Variants in FBLN2 observed in about 807,000 individuals in gnomAD.
FBLN2 encodes fibulin-2.
In FBLN2, 81 loss-of-function variants were observed where a neutral mutation model predicts 123.7. The observed-to-expected ratio is 0.65, with a 90% CI of 0.55 to 0.79. The LOEUF (loss-of-function observed/expected upper bound fraction) is 0.79. Ranked by LOEUF, FBLN2 falls within the 30% of genes least tolerant of loss-of-function variation. The probability of loss-of-function intolerance (pLI) is 0.00; values close to 1 mark genes in which losing one functional copy is unlikely to be tolerated. For missense variants in FBLN2, 1,603 were observed against 1,681.3 expected (o/e 0.95, Z 0.81); for synonymous variants, 699 against 701.4 (o/e 1.00, Z 0.05).
Position 13,574,542 on chromosome 3 carries a change from A to G in FBLN2, c.1306+2881A>G, listed in dbSNP as rs1329666261. ...GAGGCAGGGATGGCCTGGCCGAGGC[A>G]GTCTGGATCCCTGGCAGGGCTCCAG... On this transcript the variant is annotated intron_variant, in intron 2 of 17. Transcript: ENST00000404922. Among the ~76,000 whole-genome samples the G allele has an allele frequency of 3.9e-5, 6 of 152,182 alleles. No individual in the cohort carries two copies. In the East Asian group the frequency reaches 1.2e-3, roughly 29 times the overall value.
At chr3:13,572,557 C>T in intron 2 of FBLN2, among the ~76,000 whole-genome samples, 1 of 152,252 alleles carries the variant, frequency 6.6e-6, no homozygotes, top group Non-Finnish European at 1.5e-5. Flanking sequence ...TCAGAGCAGG[C>T]AGCCAGGACC....
chr3:13,625,495 C>T (rs114968616), intron 9 of FBLN2, among the ~76,000 whole-genome samples: 1,536 of 152,236 alleles, frequency 0.01, 30 homozygotes, highest in African/African-American at 0.035. Context: ...ATGTCCTCAG[C>T]TGCCTCTTCA....
chr3:13,600,641 G>T (rs1444028725), intron 2 of FBLN2, among the ~76,000 whole-genome samples: 22 of 146,534 alleles, frequency 1.5e-4, no homozygotes, highest in Non-Finnish European at 2.7e-4. Context: ...TTGAGACGGA[G>T]TCTTGCTCTT....
At chr3:13,588,147 T>C (rs951000617) in intron 2 of FBLN2, among the ~76,000 whole-genome samples, 3 of 152,250 alleles carry the variant, frequency 2.0e-5, no homozygotes, top group Non-Finnish European at 4.4e-5. Context: ...ATACTCTTAC[T>C]GTGCCTTTTC....
chr3:13,550,296 G>A (rs978426878), intron 1 of FBLN2, among the ~76,000 whole-genome samples: 1 of 152,180 alleles, frequency 6.6e-6, no homozygotes, highest in African/African-American at 2.4e-5. Flanking sequence ...CTCAGGCTGG[G>A]CCTGACTCCT....
rs188422182 is a variant in FBLN2 at position 13,566,998 on chromosome 3, A to C, written c.-41-3317A>C. ...CTGGGGTTGCGCAGCAAATGTGGAAAATGCAGAGTCAGGCTTGGGCCTGAT... is the reference window on the plus strand; with the variant it reads ...CTGGGGTTGCGCAGCAAATGTGGAACATGCAGAGTCAGGCTTGGGCCTGAT... On this transcript the variant is annotated intron_variant, in intron 1 of 17. Transcript: ENST00000404922. 5.3e-5 allele frequency among the ~76,000 whole-genome samples: 8 copies of C among 152,356 alleles called. No homozygotes were observed. In the South Asian group the frequency reaches 1.0e-3, roughly 20 times the overall value.
intron 1 of FBLN2, among the ~76,000 whole-genome samples, chr3:13,551,380 G>A (rs1342942140): frequency 6.6e-6 from 1 of 152,220 alleles, no homozygotes; most frequent in Non-Finnish European, 1.5e-5. Context: ...AAGAGCTCAT[G>A]CCAGAGAGCA....
At chr3:13,590,440 C>T (rs1054858020) in intron 2 of FBLN2, among the ~76,000 whole-genome samples, 1 of 152,220 alleles carries the variant, frequency 6.6e-6, no homozygotes, top group Non-Finnish European at 1.5e-5. Context: ...ATTCTCATGC[C>T]TCAGCCTCCC....
At chr3:13,573,089 C>G (rs1216688282) in intron 2 of FBLN2, among the ~76,000 whole-genome samples, 1 of 151,934 alleles carries the variant, frequency 6.6e-6, no homozygotes, top group Admixed American at 6.5e-5. Context: ...ATTGGAAAGG[C>G]CCAGAGCTCC....
intron 17 of FBLN2, 47 bp from the exon 18 acceptor site, chr3:13,637,515 G>A: frequency 6.6e-7 from 1 of 1,510,684 alleles, no homozygotes; most frequent in Non-Finnish European, 9.0e-7. Context: ...GTCTGGGGAT[G>A]AGGGGGGTGG....
intron 1 of FBLN2, among the ~76,000 whole-genome samples, chr3:13,558,804 C>A (rs1307693739): frequency 7.3e-6 from 1 of 136,440 alleles, no homozygotes; most frequent in Non-Finnish European, 1.6e-5. Flanking sequence ...CACCCACCCA[C>A]CCACCCACCT....
intron 9 of FBLN2, among the ~76,000 whole-genome samples, chr3:13,626,118 C>T (rs1706028202): frequency 6.6e-6 from 1 of 152,196 alleles, no homozygotes; most frequent in Non-Finnish European, 1.5e-5. Flanking sequence ...CCATAGCACT[C>T]ATCACCACCT....
intron 5 of FBLN2, among the ~76,000 whole-genome samples, chr3:13,617,579 CCA>C (rs1705667612): frequency 4.8e-5 from 1 of 20,956 alleles, no homozygotes; most frequent in Non-Finnish European, 9.1e-5. Flanking sequence ...ACCCATCCAC[CCA>C]TCCATCCATC....
chr3:13,570,678 G>A lies in FBLN2; in HGVS notation c.323G>A (p.Ser108Asn), dbSNP rs2124823265. 1.3e-6 allele frequency: 2 copies of A among 1,586,374 alleles called. No individual in the cohort carries two copies. Among genetic ancestry groups the A allele is most frequent in the Non-Finnish European group, 1.7e-6 (2 of 1,167,480 alleles). ...TGCCCACCAGGCGGCGGCAAGATCA[G>A]CTGCCAGTTCATGCTGTGCCCGGAG... ...CSCPPGGGKI[S>N]CQFMLCPELP... Residue 108 changes from serine (S) to asparagine (N), a missense_variant, in exon 2 of 18, where the codon AGC (serine) becomes AAC (asparagine). Transcript: ENST00000404922.
At chr3:13,626,705 C>A (rs140994770) in intron 10 of FBLN2, 126 bp downstream of exon 10, 3 of 972,950 alleles carry the variant, frequency 3.1e-6, no homozygotes, top group Admixed American at 6.0e-5. Context: ...CTCTCCATCC[C>A]CTCCTTTCTA....
chr3:13,608,271 G>A (rs963851291), intron 3 of FBLN2, 98 bp downstream of exon 3: 4 of 810,840 alleles, frequency 4.9e-6, no homozygotes, highest in Admixed American at 4.5e-5. Flanking sequence ...CGGAGAGAGT[G>A]CACCTTCACA....
rs1484185685 is a variant in FBLN2, at chr3:13,571,562, C to A, written c.1207C>A (p.Arg403=). ...LPDAAWIPPT[R]EVPRKPQVLP... The stretch of plus-strand genomic sequence containing the variant: ...TGATGCAGCCTGGATCCCACCCACC[C>A]GAGAAGTGCCCAGGAAGCCGCAAGT... Residue 403 remains arginine, a synonymous_variant, in exon 2 of 18, where the codon CGA becomes AGA. Transcript: ENST00000404922. The A allele has an allele frequency of 1.2e-6, 2 of 1,613,528 alleles. No homozygotes were observed. Among genetic ancestry groups the A allele is most frequent in the Admixed American group, 3.3e-5 (2 of 59,984 alleles).
chr3:13,571,460 C>G lies in FBLN2; in HGVS notation c.1105C>G (p.Pro369Ala). 1 of 1,613,160 alleles carries G rather than the reference C, an allele frequency of 6.2e-7. No individual in the cohort carries two copies. Among genetic ancestry groups the G allele is most frequent in the Non-Finnish European group, 8.5e-7 (1 of 1,179,728 alleles). Residue 369 changes from proline (P) to alanine (A), a missense_variant, in exon 2 of 18, where the codon CCA becomes GCA. Physicochemically the swap from Pro to Ala is conservative, Grantham distance 27. Transcript: ENST00000404922. The part of the protein sequence containing the change: ...APSLGKAALV[P>A]TQAVPGSPRD... ...GAGCCTGGGCAAGGCTGCTCTCGTC[C>G]CAACTCAGGCCGTGCCTGGCTCTCC...
chr3:13,621,926 GC>G lies in FBLN2; in HGVS notation c.2296+15del, dbSNP rs769978269. 1.9e-5 allele frequency: 31 copies of G among 1,606,254 alleles called. No individual in the cohort carries two copies. The South Asian group carries it at 3.1e-4, about 16-fold the overall frequency. On this transcript the variant is annotated intron_variant, in intron 9 of 17. Transcript: ENST00000404922. The stretch of plus-strand genomic sequence containing the variant: ...ACAGGAAGTGCGTGGGTAAGCCAGG[GC>G]CCCGCCTGCCGCCCGCCGTCACAGC...
Sources: allele counts gnomAD v4.1 joint callset (sites outside exome capture counted in the v4.1 genomes callset), GRCh38; gene constraint gnomAD v4.1.1; transcripts MANE v1.5; gene names NCBI Gene and HGNC (gene_info 2026-07-23, HGNC 2026-07-21).